ZNF536: variants seen among roughly 807,000 people sequenced by gnomAD.
The protein encoded by ZNF536 is zinc finger protein 536.
Under a neutral mutation model 84.5 loss-of-function variants are expected in ZNF536, and 13 were observed. The ratio of observed to expected loss-of-function variants is 0.15; its 90% CI spans 0.10 to 0.24. ZNF536 has a LOEUF of 0.24. ZNF536 is among the 10% of genes least tolerant of loss of function. The pLI is 1.00. For synonymous variants in ZNF536, 811 were observed against 742.5 expected (o/e 1.09, Z -1.50); for missense variants, 1,536 against 1,747.5 (o/e 0.88, Z 2.16).
upstream of ZNF536, chr19:30,228,355 G>A (rs2144586837): frequency 6.6e-6 from 1 of 152,218 alleles, no homozygotes; most frequent in Admixed American, 6.5e-5. This position sits in a 1 kb window ranked among gnomAD's most constrained non-coding sequence, Gnocchi z 4.5. Context: ...CGCCCCCGCC[G>A]GGGTCGGGTT....
intron 2 of ZNF536, among the ~76,000 whole-genome samples, chr19:30,495,767 A>T (rs1369649816): frequency 6.6e-6 from 1 of 152,196 alleles, no homozygotes; most frequent in Non-Finnish European, 1.5e-5. Context: ...AGTGTCAGGC[A>T]GTGGTTGGGG....
At chr19:30,461,703 C>T (rs556169815) in intron 2 of ZNF536, among the ~76,000 whole-genome samples, 104 of 152,360 alleles carry the variant, frequency 6.8e-4, no homozygotes, top group African/African-American at 2.2e-3. Context: ...GGCTGCCCGG[C>T]TCTCCGCCTG....
chr19:30,370,703 C>G (rs2048583024), upstream of ZNF536, among the ~76,000 whole-genome samples: 1 of 152,096 alleles, frequency 6.6e-6, no homozygotes, highest in African/African-American at 2.4e-5. Context: ...TACTTAACAG[C>G]AAGCTGATAA....
intron 2 of ZNF536, among the ~76,000 whole-genome samples, chr19:30,523,788 AG>A (rs1359768190): frequency 4.6e-5 from 7 of 152,232 alleles, no homozygotes; most frequent in African/African-American, 1.7e-4. Flanking sequence ...CCACAGCCCC[AG>A]GGAGAGGTGG....
chr19:30,699,060 G>C (rs570080337), intron 1 of ZNF536, among the ~76,000 whole-genome samples: 2 of 152,284 alleles, frequency 1.3e-5, no homozygotes, highest in South Asian at 4.1e-4. Context: ...GGCTTCTTCA[G>C]CAAGCTCTGT....
At chr19:30,264,382 C>T (rs1031573908) in intron 1 of ZNF536, among the ~76,000 whole-genome samples, 3 of 130,660 alleles carry the variant, frequency 2.3e-5, no homozygotes, top group African/African-American at 6.3e-5. Context: ...CCCCGCCCCC[C>T]GCAGTTGTGC....
At chr19:30,360,433 A>G (rs1600382843) in intron 3 of ZNF536, among the ~76,000 whole-genome samples, 1 of 152,368 alleles carries the variant, frequency 6.6e-6, no homozygotes, top group East Asian at 1.9e-4. Flanking sequence ...TTTCTTATGA[A>G]ATCGGGCCTT....
intron 1 of ZNF536, among the ~76,000 whole-genome samples, chr19:30,673,803 C>T (rs986595480): frequency 3.9e-5 from 6 of 152,166 alleles, no homozygotes; most frequent in Admixed American, 3.3e-4. Flanking sequence ...TACTGGTGAC[C>T]GACACACAGC....
intron 1 of ZNF536, among the ~76,000 whole-genome samples, chr19:30,635,248 G>A (rs923962713): frequency 4.6e-5 from 7 of 152,238 alleles, no homozygotes; most frequent in Non-Finnish European, 8.8e-5. Flanking sequence ...GGCATATGGC[G>A]TGGATTGGAG....
rs568541857 is a variant in ZNF536, at chr19:30,236,280, G to A, written c.-190+7607G>A. ...TGCATGTAGCTGGGAACAGTCTGAA[G>A]CCACAGCCTGCCTGGAGCTCTCATG... On this transcript the variant is annotated intron_variant, in intron 1 of 5. Transcript: ENST00000585628. 8.5e-5 allele frequency among the ~76,000 whole-genome samples: 13 copies of A among 152,366 alleles called. No homozygotes were observed. The East Asian group carries it at 2.3e-3, about 27-fold the overall frequency.
intron 1 of ZNF536, among the ~76,000 whole-genome samples, chr19:30,269,022 A>C (rs1396849510): frequency 6.6e-6 from 1 of 152,256 alleles, no homozygotes; most frequent in African/African-American, 2.4e-5. Flanking sequence ...ATACAATGCA[A>C]GTCCCGCTCA....
At chr19:30,260,619 T>C (rs903746649) in intron 1 of ZNF536, among the ~76,000 whole-genome samples, 4 of 152,250 alleles carry the variant, frequency 2.6e-5, no homozygotes, top group East Asian at 1.9e-4. Flanking sequence ...AGGAAATTCA[T>C]TGGCCACTTG....
chr19:30,375,403 G>T (rs900691756), intron 1 of ZNF536, among the ~76,000 whole-genome samples: 1 of 152,052 alleles, frequency 6.6e-6, no homozygotes, highest in Non-Finnish European at 1.5e-5. Flanking sequence ...GGTGCGCGGG[G>T]GCTCCCCGCT....
intron 3 of ZNF536, among the ~76,000 whole-genome samples, chr19:30,355,563 T>A (rs746671932): frequency 6.6e-6 from 1 of 151,730 alleles, no homozygotes; most frequent in Non-Finnish European, 1.5e-5. Context: ...AATTTTTGTA[T>A]TTTTTTTGTA....
At chr19:30,613,889 G>A (rs1209696152) in intron 1 of ZNF536, among the ~76,000 whole-genome samples, 1 of 152,204 alleles carries the variant, frequency 6.6e-6, no homozygotes, top group Non-Finnish European at 1.5e-5. Context: ...CTGAGACAGT[G>A]TATCACTCTG....
At chr19:30,361,947 G>A (rs991846135) in intron 3 of ZNF536, among the ~76,000 whole-genome samples, 3 of 152,164 alleles carry the variant, frequency 2.0e-5, no homozygotes, top group Non-Finnish European at 2.9e-5. Context: ...GTGAGGCCGT[G>A]CATTAGGTCA....
chr19:30,671,901 G>A (rs2050570689), intron 1 of ZNF536, among the ~76,000 whole-genome samples: 3 of 152,156 alleles, frequency 2.0e-5, no homozygotes, highest in Admixed American at 1.3e-4. Context: ...CTCTGGGAGG[G>A]TCTGTGGCCA....
At position 30,592,301 on chromosome 19, in the gene ZNF536, A is replaced by G. The variant is rs145515704; in HGVS notation, c.169+42787A>G. Among the ~76,000 whole-genome samples the G allele has an allele frequency of 1.5e-3, 227 of 152,344 alleles. 2 individuals carry two copies. The highest frequency in any genetic ancestry group is 4.9e-3 in the African/African-American group (205 of 41,576). On this transcript the variant is annotated intron_variant, in intron 1 of 1. Transcript: ENST00000592773. ...GGATATGGAGAGACTGTTTAAATTA[A>G]GGGGTACCCAACACCCCAGGAATGC...
chr19:30,459,188 G>T (rs2053014393), intron 2 of ZNF536, among the ~76,000 whole-genome samples: 1 of 151,760 alleles, frequency 6.6e-6, no homozygotes, highest in Non-Finnish European at 1.5e-5. Context: ...AGGTGAAAAT[G>T]GGCAACTTGG....
Sources: allele counts gnomAD v4.1 joint callset (sites outside exome capture counted in the v4.1 genomes callset), GRCh38; gene constraint gnomAD v4.1.1; non-coding constraint Gnocchi (gnomAD v3.1); transcripts MANE v1.5; gene names NCBI Gene and HGNC (gene_info 2026-07-23, HGNC 2026-07-21).